Variants in ADD1 observed in about 807,000 individuals in gnomAD.
ADD1 encodes the protein alpha-adducin.
Under a neutral mutation model 80.5 loss-of-function variants are expected in ADD1, and 24 were observed. The ratio of observed to expected loss-of-function variants is 0.30; its 90% confidence interval spans 0.22 to 0.42. The LOEUF (loss-of-function observed/expected upper bound fraction) is 0.42. Ranked by LOEUF, ADD1 falls within the 10% of genes least tolerant of loss-of-function variation. The probability of loss-of-function intolerance (pLI) is 1.00; values close to 1 mark genes in which losing one functional copy is unlikely to be tolerated. For missense variants in ADD1, 948 were observed against 1,019.0 expected (o/e 0.93, Z 0.95); for synonymous variants, 373 against 393.8 (o/e 0.95, Z 0.63).
chr4:2,915,152 C>T lies in ADD1; in HGVS notation c.1948+112C>T, dbSNP rs1738781780. On this transcript the variant is annotated intron_variant, in intron 14 of 15. Transcript: ENST00000683351. ...TGGTGATAAGAATAGTCACATGCAT[C>T]AAAGACAAACCAGAACTTTATCCAG... 4.2e-6 allele frequency: 5 copies of T among 1,189,090 alleles called. No individual in the cohort carries two copies. In the African/African-American group the frequency reaches 4.6e-5, roughly 11 times the overall value. The allele number at this position is 1,189,090 out of a possible 1,614,324, so 73.7% of individuals were successfully genotyped here.
intron 1 of ADD1, among the ~76,000 whole-genome samples, chr4:2,868,814 G>C (rs889855800): frequency 6.6e-6 from 1 of 152,192 alleles, no homozygotes; most frequent in Non-Finnish European, 1.5e-5. Context: ...TTGACACACA[G>C]GAGTCCAGGT....
intron 1 of ADD1, among the ~76,000 whole-genome samples, chr4:2,861,227 G>A (rs548732023): frequency 2.0e-4 from 31 of 152,190 alleles, no homozygotes; most frequent in Non-Finnish European, 4.4e-4. Flanking sequence ...GGGGCTGGGG[G>A]CCAAAATGGG....
intron 12 of ADD1, chr4:2,909,023 C>T (rs1351542266): frequency 2.1e-6 from 1 of 466,036 alleles, no homozygotes; most frequent in Admixed American, 3.6e-5. Flanking sequence ...GTGTGGTGCA[C>T]ATTTACACAC....
intron 13 of ADD1, among the ~76,000 whole-genome samples, chr4:2,913,960 G>A (rs1219435843): frequency 6.6e-6 from 1 of 151,812 alleles, no homozygotes; most frequent in Non-Finnish European, 1.5e-5. Context: ...TCGGGAGGCT[G>A]AGGCAGGAGA....
chr4:2,912,940 G>A lies in ADD1; in HGVS notation c.1792-1944G>A, dbSNP rs551309578. Among the ~76,000 whole-genome samples, 6 of 152,302 alleles carry A rather than the reference G, an allele frequency of 3.9e-5. No individual in the cohort carries two copies. In the East Asian group the frequency reaches 5.8e-4, roughly 15 times the overall value. On this transcript the variant is annotated intron_variant, in intron 13 of 15. Transcript: ENST00000683351. ...GCTCACCTCAACCTCCGCCTCCCAC[G>A]TTCAGGTGATTCCTTTGCCTCAGCT...
In ADD1 at chr4:2,923,457, G is replaced by A. The variant is rs138994880; in HGVS notation, c.1949-2557G>A. Among the ~76,000 whole-genome samples, 477 of 152,332 alleles carry A rather than the reference G, an allele frequency of 3.1e-3. 2 individuals carry two copies. Among genetic ancestry groups the A allele is most frequent in the Non-Finnish European group, 4.6e-3 (312 of 68,032 alleles). On this transcript the variant is annotated intron_variant, in intron 14 of 15. Transcript: ENST00000683351. ...CCCACCCTGCTTTGGCTCGCCCTCC[G>A]TGGGCTGCACCCACTGTCTAACCAG...
intron 13 of ADD1, among the ~76,000 whole-genome samples, chr4:2,912,210 G>A (rs1041852747): frequency 6.6e-6 from 1 of 152,268 alleles, no homozygotes; most frequent in African/African-American, 2.4e-5. Context: ...GGTGAGGGGA[G>A]TGGCAGGAGG....
intron 14 of ADD1, among the ~76,000 whole-genome samples, chr4:2,924,472 T>G (rs946475700): frequency 6.6e-6 from 1 of 152,176 alleles, no homozygotes; most frequent in African/African-American, 2.4e-5. Context: ...AAGCTCCAAC[T>G]CAGGTTTTTA....
At chr4:2,927,931 T>G (rs1031459409) in intron 15 of ADD1, among the ~76,000 whole-genome samples, 3 of 152,142 alleles carry the variant, frequency 2.0e-5, no homozygotes, top group Non-Finnish European at 4.4e-5. Flanking sequence ...GAGTCTGGTG[T>G]TGTCAGCACA....
chr4:2,854,081 G>T (rs899045290), intron 1 of ADD1, among the ~76,000 whole-genome samples: 6 of 152,128 alleles, frequency 3.9e-5, no homozygotes, highest in African/African-American at 1.4e-4. Flanking sequence ...CAGCACTTTA[G>T]GAGGCTGAGG....
intron 14 of ADD1, among the ~76,000 whole-genome samples, chr4:2,921,630 TGAG>T (rs1740061611): frequency 6.6e-6 from 1 of 152,190 alleles, no homozygotes; most frequent in Non-Finnish European, 1.5e-5. Flanking sequence ...TTGCTCTTCT[TGAG>T]GAGTATCTCT....
At chr4:2,890,628 T>G (rs1340208283) in intron 4 of ADD1, among the ~76,000 whole-genome samples, 2 of 152,124 alleles carry the variant, frequency 1.3e-5, no homozygotes, top group Non-Finnish European at 2.9e-5. Context: ...CAGGATGGTC[T>G]CCATCTCCTG....
intron 1 of ADD1, among the ~76,000 whole-genome samples, chr4:2,868,645 C>T (rs1729930646): frequency 6.6e-6 from 1 of 152,172 alleles, no homozygotes; most frequent in South Asian, 2.1e-4. Flanking sequence ...TGACACACTC[C>T]CCCAGGGCCC....
Position 2,904,764 on chromosome 4 carries a change from G to A in ADD1, c.1162G>A (p.Gly388Ser). ...EALMRMLDNL[G>S]YRTGYPYRYP... ...GTCTTTCACTCTCCTTGGACCCTAG[G>A]GCTACAGAACTGGCTACCCTTATCG... The change falls in exon 10 of 16, where the codon GGC (glycine) becomes AGC (serine). Residue 388 changes from glycine (G) to serine (S), a missense_variant and splice_region_variant. Transcript: ENST00000683351. 1 of 1,611,914 alleles carries A rather than the reference G, an allele frequency of 6.2e-7. No homozygotes were observed. The highest frequency in any genetic ancestry group is 1.1e-5 in the South Asian group (1 of 91,056).
At chr4:2,886,411 T>C (rs1035682012) in intron 4 of ADD1, among the ~76,000 whole-genome samples, 2 of 152,250 alleles carry the variant, frequency 1.3e-5, no homozygotes, top group Non-Finnish European at 2.9e-5. Context: ...CATCTGTTCT[T>C]GTTTCCGCTT....
intron 1 of ADD1, 101 bp from the exon 2 acceptor site, chr4:2,875,795 C>A (rs1213948370): frequency 7.2e-6 from 7 of 978,860 alleles, no homozygotes; most frequent in Non-Finnish European, 1.0e-5. Context: ...GTCATTACAT[C>A]CTCCTGTTGA....
At chr4:2,856,973 C>T (rs994067962) in intron 1 of ADD1, among the ~76,000 whole-genome samples, 9 of 151,626 alleles carry the variant, frequency 5.9e-5, no homozygotes, top group African/African-American at 1.5e-4. Flanking sequence ...AGTGCAGTGG[C>T]GGCATCTCAG....
chr4:2,922,983 T>G, intron 14 of ADD1, among the ~76,000 whole-genome samples: 1 of 152,008 alleles, frequency 6.6e-6, no homozygotes, highest in Non-Finnish European at 1.5e-5. Context: ...TGGATGCCCC[T>G]CCCCCCACCA....
At chr4:2,920,826 C>T (rs941457927) in intron 14 of ADD1, among the ~76,000 whole-genome samples, 2 of 152,092 alleles carry the variant, frequency 1.3e-5, no homozygotes, top group African/African-American at 2.4e-5. Context: ...GGGCATTTTG[C>T]CCATTTACAT....
Sources: gnomAD v4.1 joint callset for allele counts (sites outside exome capture counted in the v4.1 genomes callset) on GRCh38, gnomAD v4.1.1 for gene constraint, MANE v1.5 for transcripts, NCBI Gene and HGNC (gene_info 2026-07-23, HGNC 2026-07-21) for gene names.